The following OCA2 variants were observed in gnomAD, a reference collection of about 807,000 sequenced individuals.
OCA2 encodes P protein.
Under a neutral mutation model 100.2 loss-of-function variants are expected in OCA2, and 77 were observed. The ratio of observed to expected loss-of-function variants is 0.77; its 90% CI spans 0.64 to 0.93. The LOEUF is 0.93. OCA2 is among the 40% of genes least tolerant of loss of function. The pLI is 0.00. For missense variants in OCA2, 1,062 were observed against 1,089.1 expected, an observed-to-expected ratio of 0.98 and a Z score of 0.35; for synonymous variants, 432 against 439.2, an observed-to-expected ratio of 0.98 and a Z score of 0.21.
At chr15:28,087,532 G>A (rs1036255704) in intron 1 of OCA2, among the ~76,000 whole-genome samples, 4 of 152,180 alleles carry the variant, frequency 2.6e-5, no homozygotes, top group African/African-American at 9.7e-5. Context: ...GATTCATTGA[G>A]CCCAGGAGTT....
chr15:27,720,427 C>T, the OCA2 span, among the ~76,000 whole-genome samples: 1 of 149,528 alleles, frequency 6.7e-6, no homozygotes, highest in East Asian at 2.0e-4. Flanking sequence ...ATTTTTTGCT[C>T]AGCCTAGTAA....
chr15:27,811,724 G>T (rs535465839), intron 23 of OCA2, among the ~76,000 whole-genome samples: 19 of 152,320 alleles, frequency 1.2e-4, no homozygotes, highest in Admixed American at 5.9e-4. Context: ...ATGTGCGTTT[G>T]CCCCTGTACC....
In OCA2 at chr15:28,027,863, C is replaced by T. The variant is rs1419081403; in HGVS notation, c.515+8G>A. 1 of 1,612,118 alleles carries T rather than the reference C, an allele frequency of 6.2e-7. No homozygotes were observed. Among genetic ancestry groups the T allele is most frequent in the Non-Finnish European group, 8.5e-7 (1 of 1,180,012 alleles). On this transcript the variant is annotated splice_region_variant and intron_variant, in intron 4 of 23. Transcript: ENST00000354638. ...TGCTGCCAGGGTGGGCACCCCAAGTCCGCCTACCTCAGCTTGGAAAGACGG... is the reference window on the plus strand; with the variant it reads ...TGCTGCCAGGGTGGGCACCCCAAGTTCGCCTACCTCAGCTTGGAAAGACGG...
chr15:27,782,369 C>T (rs1418321662), intron 23 of OCA2, among the ~76,000 whole-genome samples: 1 of 152,196 alleles, frequency 6.6e-6, no homozygotes, highest in Non-Finnish European at 1.5e-5. Flanking sequence ...TGTGGAGTGT[C>T]TCCCAACAGA....
At chr15:28,027,011 G>A (rs936836906) in intron 4 of OCA2, among the ~76,000 whole-genome samples, 2 of 152,358 alleles carry the variant, frequency 1.3e-5, no homozygotes, top group South Asian at 4.1e-4. Context: ...GCGACTTCAG[G>A]TCGGATCCAG....
At chr15:28,079,421 G>A (rs996001175) in intron 2 of OCA2, among the ~76,000 whole-genome samples, 4 of 152,060 alleles carry the variant, frequency 2.6e-5, no homozygotes, top group Non-Finnish European at 4.4e-5. Context: ...TGGCCACCAG[G>A]CGACATGGCC....
chr15:27,721,580 C>A, the OCA2 span, among the ~76,000 whole-genome samples: 2 of 152,178 alleles, frequency 1.3e-5, no homozygotes, highest in Admixed American at 6.5e-5. Flanking sequence ...ACTACCTTCA[C>A]GTAATAAAGT....
chr15:27,845,972 C>A (rs915113209), intron 22 of OCA2, among the ~76,000 whole-genome samples: 17 of 152,192 alleles, frequency 1.1e-4, no homozygotes, highest in African/African-American at 3.6e-4. Context: ...GAAGACACAG[C>A]ACAGACAGGG....
At chr15:27,880,070 G>A (rs1216311678) in intron 19 of OCA2, among the ~76,000 whole-genome samples, 1 of 152,138 alleles carries the variant, frequency 6.6e-6, no homozygotes, top group East Asian at 1.9e-4. Context: ...TTCTGCATGT[G>A]GCTGGCCAGT....
the OCA2 span, among the ~76,000 whole-genome samples, chr15:27,729,440 G>C: frequency 2.0e-5 from 3 of 152,016 alleles, no homozygotes; most frequent in African/African-American, 2.4e-5. Context: ...TCACTTCCCG[G>C]TTCCAAAAAT....
At position 28,081,739 on chromosome 15, in the gene OCA2, C is replaced by T; in HGVS notation, c.136G>A (p.Asp46Asn). 1.2e-6 allele frequency: 2 copies of T among 1,613,676 alleles called. No homozygotes were observed. The highest frequency in any genetic ancestry group is 3.3e-4 in the Middle Eastern group (2 of 6,054). ...CCCCTGGGGCAGGAGTGCGAGGGGT[C>T]AGCTCCACCGGCTCCCCGAGGAAGC... ...RRLPRGAGGA[D>N]PSHSCPRGAA... is the part of the protein sequence containing the mutation. The change falls in exon 2 of 24, where the codon GAC becomes AAC. Residue 46 changes from aspartate to asparagine, a missense_variant. Coordinates refer to ENST00000354638, the MANE Select transcript of OCA2 (RefSeq NM_000275.3).
chr15:27,865,573 G>C (rs2036289362), intron 21 of OCA2, among the ~76,000 whole-genome samples: 1 of 152,164 alleles, frequency 6.6e-6, no homozygotes, highest in Non-Finnish European at 1.5e-5. Flanking sequence ...TGGTCTTCTT[G>C]TCCATTCCCC....
chr15:28,067,844 G>T (rs1256687597), intron 2 of OCA2, among the ~76,000 whole-genome samples: 2 of 152,116 alleles, frequency 1.3e-5, no homozygotes, highest in Non-Finnish European at 2.9e-5. Context: ...ATGTCTATTA[G>T]GTCCAATTGG....
chr15:27,947,470 G>A (rs2039880589), intron 18 of OCA2, among the ~76,000 whole-genome samples: 1 of 152,160 alleles, frequency 6.6e-6, no homozygotes, highest in Non-Finnish European at 1.5e-5. Flanking sequence ...ACACCCCTGG[G>A]TCCCTCAGGG....
intron 21 of OCA2, among the ~76,000 whole-genome samples, chr15:27,855,792 A>G (rs2035927033): frequency 6.6e-6 from 1 of 152,192 alleles, no homozygotes; most frequent in African/African-American, 2.4e-5. Context: ...TGGCAGACAG[A>G]AAAATTTAAA....
At chr15:28,090,625 A>G (rs1473327650) in intron 1 of OCA2, among the ~76,000 whole-genome samples, 1 of 152,236 alleles carries the variant, frequency 6.6e-6, no homozygotes, top group African/African-American at 2.4e-5. Context: ...AAGGGAAATC[A>G]GAATTATATT....
chr15:27,973,107 T>C (rs2140895945), intron 14 of OCA2, among the ~76,000 whole-genome samples: 1 of 152,202 alleles, frequency 6.6e-6, no homozygotes, highest in Admixed American at 6.5e-5. Context: ...TGACCTGAAG[T>C]GATCCTCCCA....
At chr15:28,094,300 G>C (rs1021257372) in intron 1 of OCA2, among the ~76,000 whole-genome samples, 6 of 152,180 alleles carry the variant, frequency 3.9e-5, no homozygotes, top group African/African-American at 1.4e-4. Flanking sequence ...CTTCAGCCTG[G>C]CTTTGCTTTA....
At chr15:27,741,433 G>T in the OCA2 span, among the ~76,000 whole-genome samples, 2 of 152,148 alleles carry the variant, frequency 1.3e-5, no homozygotes, top group South Asian at 2.1e-4. Context: ...AAAGAACAGG[G>T]TATGGTAAGA....
Sources: gnomAD v4.1 joint callset for allele counts (sites outside exome capture counted in the v4.1 genomes callset) on GRCh38, gnomAD v4.1.1 for gene constraint, MANE v1.5 for transcripts, NCBI Gene and HGNC (gene_info 2026-07-23, HGNC 2026-07-21) for gene names.